Variants in GON4L observed in about 807,000 individuals in gnomAD.
GON4L encodes GON-4-like protein.
GON4L carries 87 observed loss-of-function variants against 211.8 expected under a neutral mutation model. That is an observed-to-expected ratio of 0.41 (90% CI 0.35 to 0.49). GON4L has a LOEUF of 0.49. Among genes scored for constraint, GON4L ranks in the 20% least tolerant of loss-of-function variants. The pLI, the probability that GON4L is intolerant of heterozygous loss-of-function variation, is 0.15. For missense variants in GON4L, 2,155 were observed against 2,659.5 expected (o/e 0.81, Z 4.17); for synonymous variants, 875 against 962.6 (o/e 0.91, Z 1.68).
chr1:155,797,947 G>C (rs1382941021), intron 11 of GON4L, among the ~76,000 whole-genome samples: 1 of 151,382 alleles, frequency 6.6e-6, no homozygotes, highest in African/African-American at 2.4e-5. Context: ...CAAGTGTCGT[G>C]GTGTGTGCCT....
intron 23 of GON4L, among the ~76,000 whole-genome samples, chr1:155,761,904 C>G (rs1004995243): frequency 1.3e-5 from 2 of 152,154 alleles, no homozygotes; most frequent in Non-Finnish European, 2.9e-5. Context: ...ATCAGCGCAC[C>G]CAGTAAAGTC....
At chr1:155,803,076 GCACAA>G (rs946343510) in intron 11 of GON4L, among the ~76,000 whole-genome samples, 2 of 152,196 alleles carry the variant, frequency 1.3e-5, no homozygotes, top group African/African-American at 4.8e-5. Flanking sequence ...ACAGATTCTA[GCACAA>G]TGCCTTGTAT....
At chr1:155,772,971 A>C (rs769256038) in intron 18 of GON4L, 95 bp downstream of exon 18, 6 of 1,494,346 alleles carry the variant, frequency 4.0e-6, no homozygotes, top group Non-Finnish European at 5.6e-6. Context: ...TCCGTGTCTT[A>C]TTATACAAGT....
At chr1:155,762,098 T>C in intron 23 of GON4L, 92 bp downstream of exon 23, 1 of 1,062,050 alleles carries the variant, frequency 9.4e-7, no homozygotes, top group Non-Finnish European at 1.4e-6. Flanking sequence ...TTGCATAGCC[T>C]GAAAAACAGA....
At chr1:155,786,345 G>T (rs895703133) in intron 12 of GON4L, among the ~76,000 whole-genome samples, 6 of 152,022 alleles carry the variant, frequency 3.9e-5, no homozygotes. Flanking sequence ...CTCCTAGCCT[G>T]GGCAAAATGT....
Position 155,750,518 on chromosome 1 carries a change from A to C in GON4L, c.*66T>G. On this transcript the variant is annotated 3_prime_UTR_variant, in exon 32 of 32. Coordinates refer to ENST00000368331, the MANE Select transcript of GON4L (RefSeq NM_001282860.2). ...CTCAAGGACTGTACAAGCAGAGTAC[A>C]ACTACCCCCTCCCCGGTGCCAGGGC... 2 of 1,476,098 alleles carry C rather than the reference A, an allele frequency of 1.4e-6. No homozygotes were observed. The highest frequency in any genetic ancestry group is 1.9e-6 in the Non-Finnish European group (2 of 1,056,390). 91.4% of individuals were successfully genotyped at this position (1,476,098 alleles called of 1,614,324 possible). A position where few individuals can be genotyped will look rare whatever the true frequency, so the allele number is the denominator to read the frequency against.
At chr1:155,776,286 AC>A in intron 16 of GON4L, 108 bp downstream of exon 16, 2 of 869,278 alleles carry the variant, frequency 2.3e-6, no homozygotes, top group South Asian at 1.4e-5. Flanking sequence ...AATCAAAAAT[AC>A]CCGAGAGAAG....
intron 24 of GON4L, among the ~76,000 whole-genome samples, chr1:155,759,585 A>T (rs1661554205): frequency 6.6e-6 from 1 of 151,824 alleles, no homozygotes; most frequent in African/African-American, 2.4e-5. Context: ...AAAAAAAAAA[A>T]AATTTTTTTT....
At chr1:155,818,793 T>C (rs907762985) in intron 6 of GON4L, among the ~76,000 whole-genome samples, 7 of 149,436 alleles carry the variant, frequency 4.7e-5, no homozygotes, top group Admixed American at 1.3e-4. Flanking sequence ...CATGGGTCAA[T>C]TGGAAACCAG....
chr1:155,826,896 C>A lies in GON4L; in HGVS notation c.638G>T (p.Arg213Met). ...TTCCTCAGGTTGGTGAAACAGAGTCCTGAGTGGCTTTTCTTGAGGAGAGGC... is the reference window on the plus strand; with the variant it reads ...TTCCTCAGGTTGGTGAAACAGAGTCATGAGTGGCTTTTCTTGAGGAGAGGC... ...VCASPQEKPL[R>M]TLFHQPEEEI... The change falls in exon 3 of 32, where the codon AGG becomes ATG. Residue 213 changes from arginine to methionine, a missense_variant. By Grantham distance (91) the Arg-to-Met change is moderately conservative (BLOSUM62 -1). Transcript: ENST00000368331. 6.2e-7 allele frequency: 1 copy of A among 1,613,784 alleles called. No individual in the cohort carries two copies. The highest frequency in any genetic ancestry group is 1.7e-4 in the Middle Eastern group (1 of 6,046).
At chr1:155,748,514 A>G, downstream of GON4L, 1 of 1,613,694 alleles carries the variant, frequency 6.2e-7, no homozygotes. Context: ...TGACATGCTG[A>G]GCTTCTGTGG....
chr1:155,762,130 C>T, intron 23 of GON4L, 60 bp downstream of exon 23: 1 of 1,315,626 alleles, frequency 7.6e-7, no homozygotes, highest in Non-Finnish European at 1.1e-6. Context: ...AAAACATCTC[C>T]CTTGAAGAAG....
At position 155,757,204 on chromosome 1, in the gene GON4L, A is replaced by G. The variant is rs531340526; in HGVS notation, c.5373T>C (p.Asn1791=). ...ASRMGDFEEI[N]WTEEKEYEFD... The stretch of plus-strand genomic sequence containing the variant: ...CCTCATACTCCTTTTCCTCAGTCCA[A>G]TTGATCTCTTCAAAGTCACCCATCC... Residue 1791 remains asparagine (N), a synonymous_variant, in exon 26 of 32, where the codon AAT becomes AAC. Coordinates refer to ENST00000368331, the MANE Select transcript of GON4L (RefSeq NM_001282860.2). The G allele has an allele frequency of 1.3e-5, 21 of 1,613,842 alleles. No homozygotes were observed. In the African/African-American group the frequency reaches 1.5e-4, roughly 11 times the overall value.
chr1:155,762,325 G>A lies in GON4L; in HGVS notation c.4776C>T (p.Arg1592=). 6.2e-7 allele frequency: 1 copy of A among 1,613,730 alleles called. No homozygotes were observed. Among genetic ancestry groups the A allele is most frequent in the Non-Finnish European group, 8.5e-7 (1 of 1,179,684 alleles). Residue 1592 remains arginine (R), a synonymous_variant, in exon 23 of 32, where the codon CGC becomes CGT. Transcript: ENST00000368331. ...CCCGAGCCCGACTTCCCCGCTTGTT[G>A]CGAGCTCGATGATTGTTCCGGCCTT... ...AGKGRNNHRA[R]NKRGSRARAS...
At chr1:155,781,529 C>A (rs143576022) in intron 14 of GON4L, among the ~76,000 whole-genome samples, 2,212 of 152,092 alleles carry the variant, frequency 0.015, 60 homozygotes, top group African/African-American at 0.051. Flanking sequence ...GTGGCATGAT[C>A]TTGGCTCATT....
At chr1:155,773,299 G>C in intron 17 of GON4L, 89 bp from the exon 18 acceptor site, 2 of 1,460,608 alleles carry the variant, frequency 1.4e-6, no homozygotes, top group Non-Finnish European at 1.9e-6. Flanking sequence ...CATTTAGGTA[G>C]GAGCTATCCT....
At chr1:155,835,725 G>A (rs575094129) in intron 2 of GON4L, among the ~76,000 whole-genome samples, 1 of 152,318 alleles carries the variant, frequency 6.6e-6, no homozygotes, top group South Asian at 2.1e-4. Flanking sequence ...GTCTGCTGCT[G>A]CGGCTGCTTC....
intron 2 of GON4L, among the ~76,000 whole-genome samples, chr1:155,844,568 C>A (rs1297989932): frequency 6.6e-6 from 1 of 151,968 alleles, no homozygotes; most frequent in African/African-American, 2.4e-5. Flanking sequence ...CCAGCCCGGG[C>A]AACATAGTGA....
intron 1 of GON4L, among the ~76,000 whole-genome samples, chr1:155,854,200 G>A (rs1650395428): frequency 6.6e-6 from 1 of 152,146 alleles, no homozygotes; most frequent in African/African-American, 2.4e-5. Flanking sequence ...CTCCCAGGCT[G>A]GAGTACAGTG....
Sources: allele counts gnomAD v4.1 joint callset (sites outside exome capture counted in the v4.1 genomes callset), GRCh38; gene constraint gnomAD v4.1.1; transcripts MANE v1.5; gene names NCBI Gene and HGNC (gene_info 2026-07-23, HGNC 2026-07-21).